NSUN6: variants seen among roughly 807,000 people sequenced by gnomAD.
NSUN6 encodes NOP2/Sun RNA methyltransferase 6.
Under a neutral mutation model 58.0 loss-of-function variants are expected in NSUN6, and 64 were observed. The ratio of observed to expected loss-of-function variants is 1.10; its 90% CI spans 0.90 to 1.36. The LOEUF is 1.36. Ranked by LOEUF, NSUN6 falls within the 40% of genes most tolerant of loss-of-function variation. The pLI, the probability that NSUN6 is intolerant of heterozygous loss-of-function variation, is 0.00. For missense variants in NSUN6, 701 were observed against 550.1 expected (o/e 1.27, Z -2.74); for synonymous variants, 231 against 193.9 (o/e 1.19, Z -1.59).
At chr10:18,574,481 C>T (rs147314351) in intron 8 of NSUN6, among the ~76,000 whole-genome samples, 1 of 152,050 alleles carries the variant, frequency 6.6e-6, no homozygotes, top group African/African-American at 2.4e-5. Context: ...AAAGGTTTGA[C>T]CAGACCTAGA....
intron 8 of NSUN6, among the ~76,000 whole-genome samples, chr10:18,567,284 T>G (rs571225482): frequency 1.1e-4 from 17 of 151,480 alleles, no homozygotes; most frequent in Non-Finnish European, 2.5e-4. Flanking sequence ...TCCATTCCAT[T>G]CCATTTTCTA....
At chr10:18,563,114 A>C (rs753750118) in intron 8 of NSUN6, among the ~76,000 whole-genome samples, 1 of 151,196 alleles carries the variant, frequency 6.6e-6, no homozygotes, top group Non-Finnish European at 1.5e-5. Flanking sequence ...TGGAGAATGG[A>C]GTAGAATAGA....
intron 3 of NSUN6, among the ~76,000 whole-genome samples, chr10:18,619,016 G>A (rs1216828405): frequency 6.6e-6 from 1 of 152,110 alleles, no homozygotes; most frequent in Non-Finnish European, 1.5e-5. Flanking sequence ...GCTGATCTTG[G>A]AAGAAAACTG....
At chr10:18,590,916 G>C (rs375686035) in intron 7 of NSUN6, among the ~76,000 whole-genome samples, 6 of 152,114 alleles carry the variant, frequency 3.9e-5, no homozygotes, top group African/African-American at 1.4e-4. Flanking sequence ...GAAGGGGACA[G>C]AGACACAAAA....
At chr10:18,649,788 T>A (rs565740592) in intron 1 of NSUN6, among the ~76,000 whole-genome samples, 40 of 152,346 alleles carry the variant, frequency 2.6e-4, no homozygotes, top group South Asian at 1.2e-3. Context: ...AACGACGTTC[T>A]CCATTTTAAA....
chr10:18,621,523 T>G (rs1426218282), intron 3 of NSUN6, among the ~76,000 whole-genome samples: 1 of 152,182 alleles, frequency 6.6e-6, no homozygotes, highest in East Asian at 1.9e-4. Flanking sequence ...AAAGGGAGTT[T>G]TTACTAGGAA....
In NSUN6 at chr10:18,596,320, G is replaced by T; in HGVS notation, c.665C>A (p.Pro222Gln). The change falls in exon 7 of 11, where the codon CCA becomes CAA. Residue 222 changes from proline (P) to glutamine (Q), a missense_variant. Transcript: ENST00000377304. ...TAGTACATGACTTACTAAGGCAGAT[G>T]GCAAATTCTATAAGGAAAAAAATGT... ...LPRYLFLQNL[P>Q]SALVSHVLNP... 6.3e-7 allele frequency: 1 copy of T among 1,575,258 alleles called. No individual in the cohort carries two copies. The highest frequency in any genetic ancestry group is 8.7e-7 in the Non-Finnish European group (1 of 1,145,442).
intron 3 of NSUN6, among the ~76,000 whole-genome samples, chr10:18,625,661 C>G (rs1409144798): frequency 7.2e-6 from 1 of 139,158 alleles, no homozygotes; most frequent in African/African-American, 2.7e-5. Flanking sequence ...TGCAGTGAGC[C>G]GAGATCGCGC....
At chr10:18,640,855 T>G (rs906461979) in intron 3 of NSUN6, among the ~76,000 whole-genome samples, 1 of 150,062 alleles carries the variant, frequency 6.7e-6, no homozygotes, top group Non-Finnish European at 1.5e-5. Flanking sequence ...TACATTCTTA[T>G]AGTAAAAAAA....
At chr10:18,657,576 GTTTT>G (rs1002849713), upstream of NSUN6, among the ~76,000 whole-genome samples, 1 of 151,334 alleles carries the variant, frequency 6.6e-6, no homozygotes, top group African/African-American at 2.4e-5. Flanking sequence ...GAAATCTATA[GTTTT>G]TTTTGCTTCA....
chr10:18,545,702 C>T lies in NSUN6; in HGVS notation c.*231G>A. The stretch of plus-strand genomic sequence containing the variant: ...CTATAGGCATCTGCTTTTCTTTATA[C>T]TCTACTAAATACATAAAAAAAAAAA... On this transcript the variant is annotated 3_prime_UTR_variant, in exon 11 of 11. Coordinates refer to ENST00000377304, the MANE Select transcript of NSUN6 (RefSeq NM_182543.5). 1 of 400,536 alleles carries T rather than the reference C, an allele frequency of 2.5e-6. No individual in the cohort carries two copies. The highest frequency in any genetic ancestry group is 4.4e-6 in the Non-Finnish European group (1 of 228,920). 24.8% of individuals were successfully genotyped at this position (400,536 alleles called of 1,614,324 possible).
intron 8 of NSUN6, among the ~76,000 whole-genome samples, chr10:18,577,428 G>A (rs189563396): frequency 4.6e-5 from 7 of 152,224 alleles, no homozygotes; most frequent in African/African-American, 1.4e-4. Context: ...CCTCGCAGCC[G>A]TAATGGGTGT....
At position 18,609,843 on chromosome 10, in the gene NSUN6, A is replaced by C; in HGVS notation, c.657+2T>G. On this transcript the variant is annotated splice_donor_variant, in intron 6 of 10. Transcript: ENST00000377304. LOFTEE classifies it high-confidence loss of function. ...AAATATTTTACTTTTATACATACTT[A>C]CTTGTAAAAATAAGTAACGGGGCAG... is the stretch of plus-strand genomic sequence containing the variant. 6.8e-7 allele frequency: 1 copy of C among 1,479,150 alleles called. No homozygotes were observed. Among genetic ancestry groups the C allele is most frequent in the Non-Finnish European group, 9.5e-7 (1 of 1,057,716 alleles). 91.6% of individuals were successfully genotyped at this position (1,479,150 alleles called of 1,614,324 possible).
chr10:18,637,909 C>A (rs1416293060), intron 3 of NSUN6, among the ~76,000 whole-genome samples: 1 of 152,104 alleles, frequency 6.6e-6, no homozygotes, highest in African/African-American at 2.4e-5. Context: ...GTACAAATGA[C>A]TGTACATGTG....
At position 18,569,238 on chromosome 10, in the gene NSUN6, G is replaced by A. The variant is rs182261032; in HGVS notation, c.922+16711C>T. On this transcript the variant is annotated intron_variant, in intron 8 of 10. Coordinates refer to ENST00000377304, the MANE Select transcript of NSUN6 (RefSeq NM_182543.5). Reference sequence around the variant, plus strand: ...CATTCTCCATTTCATTCCACTCTCCGTTCCATTCCATTCTCCTCCATTTCC... The same window carrying A: ...CATTCTCCATTTCATTCCACTCTCCATTCCATTCCATTCTCCTCCATTTCC... Among the ~76,000 whole-genome samples the A allele has an allele frequency of 2.7e-3, 319 of 116,906 alleles. 3 individuals carry two copies. Among genetic ancestry groups the A allele is most frequent in the African/African-American group, 9.5e-3 (286 of 30,000 alleles). The allele number at this position is 116,906 out of a possible 152,430, so 76.7% of individuals were successfully genotyped here. A position where few individuals can be genotyped will look rare whatever the true frequency, so the allele number is the denominator to read the frequency against.
At chr10:18,574,749 G>C (rs906790182) in intron 8 of NSUN6, among the ~76,000 whole-genome samples, 34 of 152,008 alleles carry the variant, frequency 2.2e-4, no homozygotes, top group African/African-American at 8.0e-4. Flanking sequence ...CATACATTTG[G>C]GAAAATTCGG....
At chr10:18,582,456 C>A (rs548560024) in intron 8 of NSUN6, among the ~76,000 whole-genome samples, 1 of 152,188 alleles carries the variant, frequency 6.6e-6, no homozygotes, top group East Asian at 1.9e-4. Flanking sequence ...GCTGGGAGCT[C>A]CATGAGAAGA....
intron 6 of NSUN6, among the ~76,000 whole-genome samples, chr10:18,600,030 A>G (rs2131240790): frequency 6.6e-6 from 1 of 152,322 alleles, no homozygotes; most frequent in African/African-American, 2.4e-5. Context: ...TAACTTTACA[A>G]AGTATCTTTG....
intron 9 of NSUN6, among the ~76,000 whole-genome samples, chr10:18,549,043 C>T (rs2054453959): frequency 2.0e-5 from 3 of 152,094 alleles, no homozygotes; most frequent in Admixed American, 2.0e-4. Context: ...TGCTTTATTC[C>T]CTGCCCTCCT....
Sources: allele counts gnomAD v4.1 joint callset (sites outside exome capture counted in the v4.1 genomes callset), GRCh38; gene constraint gnomAD v4.1.1; transcripts MANE v1.5; gene names NCBI Gene and HGNC (gene_info 2026-07-23, HGNC 2026-07-21).